Variants in PIK3CD observed in about 807,000 individuals in gnomAD.
PIK3CD encodes the protein phosphatidylinositol-4,5-bisphosphate 3-kinase catalytic subunit delta, also known as phosphatidylinositol 4,5-bisphosphate 3-kinase catalytic subunit delta isoform.
Under a neutral mutation model 122.9 loss-of-function variants are expected in PIK3CD, and 20 were observed. The ratio of observed to expected loss-of-function variants is 0.16; its 90% CI spans 0.11 to 0.24. The LOEUF (loss-of-function observed/expected upper bound fraction) is 0.24, where lower values mean the gene tolerates loss of function less well. Among genes scored for constraint, PIK3CD ranks in the 10% least tolerant of loss-of-function variants. PIK3CD has a pLI of 1.00. For missense variants in PIK3CD, 787 were observed against 1,406.3 expected (o/e 0.56, Z 7.04); for synonymous variants, 596 against 593.4 (o/e 1.00, Z -0.06).
chr1:9,640,457 G>C, the PIK3CD span, among the ~76,000 whole-genome samples: 1 of 149,290 alleles, frequency 6.7e-6, no homozygotes, highest in Non-Finnish European at 1.5e-5. Flanking sequence ...GTGGGCGCCT[G>C]TAATCCCAGC....
At chr1:9,681,490 C>T (rs908844438) in intron 1 of PIK3CD, among the ~76,000 whole-genome samples, 1 of 152,220 alleles carries the variant, frequency 6.6e-6, no homozygotes. Flanking sequence ...TCTCGGCTCA[C>T]TGCAACCTCC....
chr1:9,657,662 T>C (rs1644897581), intron 1 of PIK3CD, among the ~76,000 whole-genome samples: 1 of 152,118 alleles, frequency 6.6e-6, no homozygotes, highest in Admixed American at 6.6e-5. Context: ...CCTCCCTCTT[T>C]ATCTTCAACA....
At chr1:9,695,710 CA>C (rs1355988133) in intron 2 of PIK3CD, among the ~76,000 whole-genome samples, 3 of 151,890 alleles carry the variant, frequency 2.0e-5, no homozygotes, top group African/African-American at 7.3e-5. Context: ...GGCGTGGTGG[CA>C]TGTGCCTGTA....
chr1:9,688,566 G>T (rs1428847069), intron 1 of PIK3CD, among the ~76,000 whole-genome samples: 1 of 151,238 alleles, frequency 6.6e-6, no homozygotes, highest in African/African-American at 2.4e-5. Context: ...AAACTGGAGC[G>T]CCTGGCCGAG....
chr1:9,713,653 T>C (rs999640424), intron 3 of PIK3CD, among the ~76,000 whole-genome samples: 5 of 152,098 alleles, frequency 3.3e-5, no homozygotes, highest in African/African-American at 1.2e-4. Context: ...TGCAGTGGCA[T>C]AATCCTAGCT....
chr1:9,722,484 C>T lies in PIK3CD; in HGVS notation c.2348-44C>T. 1 of 1,575,352 alleles carries T rather than the reference C, an allele frequency of 6.3e-7. No individual in the cohort carries two copies. The highest frequency in any genetic ancestry group is 1.1e-5 in the South Asian group (1 of 90,320). ...TTGGGTGTAGCTGGAAGCAGAGAAC[C>T]TACCAGAAACTCACGCTTCTCCTCC... On this transcript the variant is annotated intron_variant, in intron 18 of 23. Coordinates refer to ENST00000377346, the MANE Select transcript of PIK3CD (RefSeq NM_005026.5). The surrounding 1 kb of genome is among the most constrained non-coding windows in gnomAD (Gnocchi z 7.6).
At position 9,722,056 on chromosome 1, in the gene PIK3CD, G is replaced by A; in HGVS notation, c.2137G>A (p.Glu713Lys). ...SQKTPKPQTKELMHLCMRQEA... is the reference protein window; with the variant it reads ...SQKTPKPQTKKLMHLCMRQEA... Reference sequence around the variant, plus strand: ...GAAGACCCCCAAGCCCCAGACCAAGGAGCTGATGCACTTGTGCATGCGGCA... The same window carrying A: ...GAAGACCCCCAAGCCCCAGACCAAGAAGCTGATGCACTTGTGCATGCGGCA... The change falls in exon 17 of 24, where the codon GAG becomes AAG. Residue 713 changes from glutamate to lysine, a missense_variant. Glu to Lys is a moderately conservative substitution (Grantham distance 56). Coordinates refer to ENST00000377346, the MANE Select transcript of PIK3CD (RefSeq NM_005026.5). The surrounding 1 kb of genome is among the most constrained non-coding windows in gnomAD (Gnocchi z 7.6). 1 of 1,613,736 alleles carries A rather than the reference G, an allele frequency of 6.2e-7. No homozygotes were observed. Among genetic ancestry groups the A allele is most frequent in the Non-Finnish European group, 8.5e-7 (1 of 1,180,010 alleles).
intron 1 of PIK3CD, among the ~76,000 whole-genome samples, chr1:9,658,418 G>A (rs1004367188): frequency 3.3e-5 from 5 of 149,462 alleles, no homozygotes; most frequent in African/African-American, 1.2e-4. Context: ...TTTATGTCCA[G>A]GTGAGGGTGG....
chr1:9,725,361 C>G (rs1285056538), intron 23 of PIK3CD, among the ~76,000 whole-genome samples: 1 of 151,756 alleles, frequency 6.6e-6, no homozygotes, highest in Non-Finnish European at 1.5e-5. Flanking sequence ...CAACACCAGC[C>G]TGACCAACAT....
Position 9,720,021 on chromosome 1 carries a change from G to A in PIK3CD, c.1339+4G>A, listed in dbSNP as rs751591906. 50 of 1,613,412 alleles carry A rather than the reference G, an allele frequency of 3.1e-5. No homozygotes were observed. The South Asian group carries it at 3.7e-4, about 12-fold the overall frequency. On this transcript the variant is annotated splice_donor_region_variant and intron_variant, in intron 10 of 23. Transcript: ENST00000377346. This position sits in a 1 kb window ranked among gnomAD's most constrained non-coding sequence, Gnocchi z 9.0. ...TACATGTGGCCCTCCGTCCCAGGTC[G>A]GCCCAGGCCCAGGAGGGAGAGGCGT...
At chr1:9,629,030 GGGGAGTATTTTCAGC>G in the PIK3CD span, among the ~76,000 whole-genome samples, 145 of 152,230 alleles carry the variant, frequency 9.5e-4, no homozygotes, top group African/African-American at 3.4e-3. Context: ...GGGCCTGGGT[GGGGAGTATTTTCAGC>G]GGGTTCTCTC....
At chr1:9,650,781 T>TA (rs1250004413), upstream of PIK3CD, among the ~76,000 whole-genome samples, 2 of 152,132 alleles carry the variant, frequency 1.3e-5, no homozygotes, top group African/African-American at 4.8e-5. Flanking sequence ...ATTTCTCAGG[T>TA]AAGAAAAGTT....
Position 9,724,796 on chromosome 1 carries a change from A to T in PIK3CD, c.2865-8A>T, listed in dbSNP as rs1557676729. 2.5e-6 allele frequency: 4 copies of T among 1,612,280 alleles called. No homozygotes were observed. The highest frequency in any genetic ancestry group is 1.7e-6 in the Non-Finnish European group (2 of 1,179,976). On this transcript the variant is annotated splice_region_variant and splice_polypyrimidine_tract_variant and intron_variant, in intron 22 of 23. Transcript: ENST00000377346. The surrounding 1 kb of genome is among the most constrained non-coding windows in gnomAD (Gnocchi z 7.3). Reference sequence around the variant, plus strand: ...CAGAGCCTCACTTCCTCTGTCCCCTACCTGCAGGTTCCGGGGCTACTGTGA... The same window carrying T: ...CAGAGCCTCACTTCCTCTGTCCCCTTCCTGCAGGTTCCGGGGCTACTGTGA...
chr1:9,639,704 A>C, the PIK3CD span, among the ~76,000 whole-genome samples: 1 of 152,026 alleles, frequency 6.6e-6, no homozygotes. Context: ...CTCAACCTCA[A>C]CCGTTATCTT....
chr1:9,638,916 C>CAGG, the PIK3CD span, among the ~76,000 whole-genome samples: 2 of 151,640 alleles, frequency 1.3e-5, no homozygotes, highest in Non-Finnish European at 2.9e-5. Context: ...GCTGGGACTA[C>CAGG]AGGTGCCCAC....
chr1:9,633,176 G>A, the PIK3CD span, among the ~76,000 whole-genome samples: 3 of 151,786 alleles, frequency 2.0e-5, no homozygotes, highest in Non-Finnish European at 4.4e-5. Flanking sequence ...CCTGATTCTT[G>A]TTGGTGCTGG....
chr1:9,661,814 G>C (rs1645016846), intron 1 of PIK3CD, among the ~76,000 whole-genome samples: 1 of 152,168 alleles, frequency 6.6e-6, no homozygotes, highest in African/African-American at 2.4e-5. Flanking sequence ...GGCTAACACG[G>C]TGAAACCCTG....
At chr1:9,679,351 A>C (rs1199623973) in intron 1 of PIK3CD, among the ~76,000 whole-genome samples, 1 of 151,952 alleles carries the variant, frequency 6.6e-6, no homozygotes, top group Non-Finnish European at 1.5e-5. Flanking sequence ...TACAGGCGTG[A>C]GCCACCGCGC....
intron 1 of PIK3CD, among the ~76,000 whole-genome samples, chr1:9,667,656 G>A (rs1403262915): frequency 6.6e-6 from 1 of 152,112 alleles, no homozygotes; most frequent in African/African-American, 2.4e-5. Context: ...GATTACAGGC[G>A]TGAGCCACCG....
Sources: gnomAD v4.1 joint callset for allele counts (sites outside exome capture counted in the v4.1 genomes callset) on GRCh38, gnomAD v4.1.1 for gene constraint, Gnocchi (gnomAD v3.1) non-coding constraint, MANE v1.5 for transcripts, NCBI Gene and HGNC (gene_info 2026-07-23, HGNC 2026-07-21) for gene names.